The following RBFOX3 variants were observed in gnomAD, a reference collection of about 807,000 sequenced individuals.
RBFOX3 encodes RNA binding protein fox-1 homolog 3.
In RBFOX3, 17 loss-of-function variants were observed where a neutral mutation model predicts 48.7. The observed-to-expected ratio is 0.35, with a 90% confidence interval of 0.24 to 0.52. The LOEUF (loss-of-function observed/expected upper bound fraction) is 0.52. Among genes scored for constraint, RBFOX3 ranks in the 20% least tolerant of loss-of-function variants. RBFOX3 has a pLI of 0.94. For synonymous variants in RBFOX3, 212 were observed against 209.5 expected (o/e 1.01, Z -0.10); for missense variants, 382 against 497.5 (o/e 0.77, Z 2.21).
intron 1 of RBFOX3, among the ~76,000 whole-genome samples, chr17:79,529,723 C>A (rs2087404411): frequency 6.6e-6 from 1 of 152,170 alleles, no homozygotes; most frequent in Admixed American, 6.5e-5. Context: ...TGCTCCAAGG[C>A]AGAGGAAGGA....
chr17:79,593,250 C>T (rs1356428281), intron 1 of RBFOX3, among the ~76,000 whole-genome samples: 1 of 152,200 alleles, frequency 6.6e-6, no homozygotes, highest in Non-Finnish European at 1.5e-5. Context: ...AATCCTTCCT[C>T]CTTCTCCCAG....
intron 2 of RBFOX3, among the ~76,000 whole-genome samples, chr17:79,384,660 C>T (rs955712593): frequency 2.6e-5 from 4 of 152,352 alleles, no homozygotes; most frequent in African/African-American, 9.6e-5. Flanking sequence ...ACAGTTGATG[C>T]CTCGGGAAGT....
intron 2 of RBFOX3, among the ~76,000 whole-genome samples, chr17:79,407,173 A>AT (rs1043406939): frequency 4.6e-5 from 7 of 152,162 alleles, no homozygotes; most frequent in African/African-American, 1.2e-4. Context: ...ATGCCCGGCA[A>AT]TTTTTTGTAT....
chr17:79,449,205 T>G (rs571551982), intron 2 of RBFOX3, among the ~76,000 whole-genome samples: 2 of 152,128 alleles, frequency 1.3e-5, no homozygotes, highest in Admixed American at 1.3e-4. Context: ...ACTGTGTGTT[T>G]TTTTCAGCTT....
intron 3 of RBFOX3, among the ~76,000 whole-genome samples, chr17:79,305,678 G>C (rs1359622378): frequency 6.6e-6 from 1 of 152,246 alleles, no homozygotes; most frequent in East Asian, 1.9e-4. Flanking sequence ...TGGGGTGGGG[G>C]CTGTACCAGC....
At chr17:79,618,076 C>T in the RBFOX3 span, among the ~76,000 whole-genome samples, 1 of 152,240 alleles carries the variant, frequency 6.6e-6, no homozygotes, top group Non-Finnish European at 1.5e-5. Context: ...TCTCCTCCCA[C>T]GTGGATGGGA....
intron 3 of RBFOX3, among the ~76,000 whole-genome samples, chr17:79,255,337 G>A (rs898527): frequency 6.6e-5 from 10 of 151,876 alleles, no homozygotes; most frequent in Non-Finnish European, 1.2e-4. Context: ...GTCTCAGCCC[G>A]GTGGCTGAAC....
chr17:79,290,051 G>C (rs895801306), intron 3 of RBFOX3, among the ~76,000 whole-genome samples: 1 of 152,174 alleles, frequency 6.6e-6, no homozygotes. Flanking sequence ...TGCCCAGGGG[G>C]TCTGAAGGGG....
chr17:79,138,331 G>T (rs537351318), intron 4 of RBFOX3, among the ~76,000 whole-genome samples: 1 of 152,084 alleles, frequency 6.6e-6, no homozygotes, highest in Non-Finnish European at 1.5e-5. Context: ...GAGCACGCTC[G>T]TGTGTACCAT....
At chr17:79,359,284 A>G (rs1335935385) in intron 2 of RBFOX3, among the ~76,000 whole-genome samples, 2 of 152,252 alleles carry the variant, frequency 1.3e-5, no homozygotes, top group African/African-American at 4.8e-5. Flanking sequence ...CAGGATATGC[A>G]GCTTAATTTG....
chr17:79,259,694 C>G (rs1478251461), intron 3 of RBFOX3, among the ~76,000 whole-genome samples: 1 of 152,100 alleles, frequency 6.6e-6, no homozygotes, highest in African/African-American at 2.4e-5. Context: ...TTTGCTGAGC[C>G]TGGCAATCCT....
At chr17:79,226,249 CT>C (rs2060300057) in intron 4 of RBFOX3, among the ~76,000 whole-genome samples, 1 of 152,090 alleles carries the variant, frequency 6.6e-6, no homozygotes, top group African/African-American at 2.4e-5. Context: ...ATTGTGAGGA[CT>C]TTGGCCTTTC....
upstream of RBFOX3, among the ~76,000 whole-genome samples, chr17:79,614,080 T>A (rs1469415377): frequency 6.6e-6 from 1 of 152,186 alleles, no homozygotes; most frequent in African/African-American, 2.4e-5. Flanking sequence ...ACAGGAGAAG[T>A]GGCGGCCCGC....
At chr17:79,635,095 A>C in the RBFOX3 span, among the ~76,000 whole-genome samples, 13 of 107,762 alleles carry the variant, frequency 1.2e-4, no homozygotes, top group Non-Finnish European at 2.3e-4. Flanking sequence ...AAAAAAAAAA[A>C]AAAAAACGTT....
chr17:79,485,357 G>C (rs1394221358), intron 1 of RBFOX3, among the ~76,000 whole-genome samples: 4 of 152,140 alleles, frequency 2.6e-5, no homozygotes, highest in Non-Finnish European at 4.4e-5. Flanking sequence ...CCAGGGCCAG[G>C]GAACATAAAC....
chr17:79,632,322 T>C, the RBFOX3 span, among the ~76,000 whole-genome samples: 1 of 152,118 alleles, frequency 6.6e-6, no homozygotes, highest in East Asian at 1.9e-4. Context: ...GTGCTGCTTC[T>C]GGAAACCAGA....
chr17:79,463,802 GCCACTGCCACCTCCACCGCCATCA>G (rs1437742534), intron 2 of RBFOX3, among the ~76,000 whole-genome samples: 2 of 135,650 alleles, frequency 1.5e-5, no homozygotes, highest in African/African-American at 5.7e-5. Context: ...CATCTCCACT[GCCACTGCCACCTCCACCGCCATCA>G]CCACTGCCAC....
chr17:79,543,651 C>T (rs1029398964), intron 1 of RBFOX3, among the ~76,000 whole-genome samples: 5 of 152,130 alleles, frequency 3.3e-5, no homozygotes, highest in African/African-American at 9.7e-5. Context: ...AAACAGCGAG[C>T]GAGGTAGATG....
intron 3 of RBFOX3, among the ~76,000 whole-genome samples, chr17:79,263,654 C>A (rs549726392): frequency 2.0e-5 from 3 of 152,094 alleles, no homozygotes; most frequent in South Asian, 2.1e-4. Flanking sequence ...CACCACACCC[C>A]CTCTGCCCCG....
Sources: gnomAD v4.1 joint callset for allele counts (sites outside exome capture counted in the v4.1 genomes callset) on GRCh38, gnomAD v4.1.1 for gene constraint, MANE v1.5 for transcripts, NCBI Gene and HGNC (gene_info 2026-07-23, HGNC 2026-07-21) for gene names.